The following SV2A variants were observed in gnomAD, a reference collection of about 807,000 sequenced individuals.
SV2A encodes the protein synaptic vesicle glycoprotein 2A, also known as solute carrier family 22 member B1.
SV2A carries 25 observed loss-of-function variants against 78.0 expected under a neutral mutation model. The ratio of observed to expected loss-of-function variants is 0.32; its 90% confidence interval spans 0.23 to 0.45. SV2A has a LOEUF of 0.45. Ranked by LOEUF, SV2A falls within the 20% of genes least tolerant of loss-of-function variation. SV2A has a pLI of 1.00. For missense variants in SV2A, 752 were observed against 971.5 expected (o/e 0.77, Z 3.00); for synonymous variants, 355 against 384.7 (o/e 0.92, Z 0.90).
chr1:149,910,697 C>T lies in SV2A; in HGVS notation c.962G>A (p.Ser321Asn), dbSNP rs1553763611. 6.2e-7 allele frequency: 1 copy of T among 1,613,926 alleles called. No individual in the cohort carries two copies. Among genetic ancestry groups the T allele is most frequent in the Admixed American group, 1.7e-5 (1 of 59,988 alleles). The stretch of plus-strand genomic sequence containing the variant: ...CTGGTAGGCAGAACCCATCTGAAAA[C>T]TCCACCCTGGTAGGGAGAAAGTGAC... Reference protein sequence around the residue: ...AWAIIPHYGWSFQMGSAYQFH... With the variant: ...AWAIIPHYGWNFQMGSAYQFH... The change falls in exon 5 of 13, where the codon AGT becomes AAT. Residue 321 changes from serine (S) to asparagine (N), a missense_variant. Physicochemically the swap from Ser to Asn is conservative, Grantham distance 46. This residue lies in a region of SV2A where 43 missense variants were observed against 70.8 expected (regional missense o/e 0.61). Coordinates refer to ENST00000369146, the MANE Select transcript of SV2A (RefSeq NM_014849.5). This position sits in a 1 kb window ranked among gnomAD's most constrained non-coding sequence, Gnocchi z 4.2.
In SV2A at chr1:149,904,123, G is replaced by A. The variant is rs1387059698; in HGVS notation, c.*891C>T. On this transcript the variant is annotated 3_prime_UTR_variant, in exon 13 of 13. Coordinates refer to ENST00000369146, the MANE Select transcript of SV2A (RefSeq NM_014849.5). ...TCCAGAGGAGGCCTCTGCTTCTTGA[G>A]GAGGGAAGGAGATGGGCCTTGTCGG... is the stretch of plus-strand genomic sequence containing the variant. The A allele has an allele frequency of 6.5e-5, 10 of 152,940 alleles. No individual in the cohort carries two copies. In the East Asian group the frequency reaches 1.5e-3, roughly 24 times the overall value. 9.5% of individuals were successfully genotyped at this position (152,940 alleles called of 1,614,324 possible).
At chr1:149,917,115 A>G (rs1420285124) in intron 1 of SV2A, among the ~76,000 whole-genome samples, 1 of 151,862 alleles carries the variant, frequency 6.6e-6, no homozygotes, top group Non-Finnish European at 1.5e-5. Context: ...TCCTGCTGCT[A>G]GACAAGTGTC....
chr1:149,907,741 A>C lies in SV2A; in HGVS notation c.1637T>G (p.Phe546Cys). 6.2e-7 allele frequency: 1 copy of C among 1,614,140 alleles called. No individual in the cohort carries two copies. The highest frequency in any genetic ancestry group is 1.1e-5 in the South Asian group (1 of 91,072). The change falls in exon 10 of 13, where the codon TTC becomes TGC. Residue 546 changes from phenylalanine (F) to cysteine (C), a missense_variant. Physicochemically the swap from Phe to Cys is radical, Grantham distance 205 (BLOSUM62 -2). Coordinates refer to ENST00000369146, the MANE Select transcript of SV2A (RefSeq NM_014849.5). ...FEDVTSSNTFFRNCTFINTVF... is the reference protein window; with the variant it reads ...FEDVTSSNTFCRNCTFINTVF... ...AGTGTTGATGAATGTGCAGTTGCGG[A>C]AAAACGTGTTGCTGGATGTGACATC...
At chr1:149,906,944 T>C in intron 10 of SV2A, 88 bp from the exon 11 acceptor site, 1 of 1,550,742 alleles carries the variant, frequency 6.4e-7, no homozygotes, top group East Asian at 2.4e-5. Context: ...TCTGCATGTA[T>C]GAAAGTTAGT....
At chr1:149,909,334 T>C in intron 7 of SV2A, 54 bp from the exon 8 acceptor site, 3 of 1,596,282 alleles carry the variant, frequency 1.9e-6, no homozygotes, top group East Asian at 2.2e-5. Flanking sequence ...CTAGCACCCA[T>C]AGATCCCCAC....
rs911421290 is a variant in SV2A at position 149,908,035 on chromosome 1, C to T, written c.1544+7G>A. ...GGAAGAAGTGAAGTTTAAAAGTCCC[C>T]ACATACTTGTCATTGAAGTACTGCC... On this transcript the variant is annotated splice_region_variant and intron_variant, in intron 9 of 12. Coordinates refer to ENST00000369146, the MANE Select transcript of SV2A (RefSeq NM_014849.5). 8 of 1,613,100 alleles carry T rather than the reference C, an allele frequency of 5.0e-6. No individual in the cohort carries two copies. The highest frequency in any genetic ancestry group is 2.2e-5 in the South Asian group (2 of 91,000).
Position 149,910,982 on chromosome 1 carries a change from A to C in SV2A, c.804-5T>G. The C allele has an allele frequency of 6.2e-7, 1 of 1,612,484 alleles. No individual in the cohort carries two copies. The highest frequency in any genetic ancestry group is 8.5e-7 in the Non-Finnish European group (1 of 1,179,300). On this transcript the variant is annotated splice_region_variant and splice_polypyrimidine_tract_variant and intron_variant, in intron 3 of 12. Coordinates refer to ENST00000369146, the MANE Select transcript of SV2A (RefSeq NM_014849.5). This position sits in a 1 kb window ranked among gnomAD's most constrained non-coding sequence, Gnocchi z 4.2. ...ATGGGGATGGACCCTCCAATCCTGA[A>C]GTGCATTTCAAGAATTCAGCATTAG...
At chr1:149,912,328 C>T (rs1013192093) in intron 2 of SV2A, among the ~76,000 whole-genome samples, 2 of 152,036 alleles carry the variant, frequency 1.3e-5, no homozygotes, top group Admixed American at 6.6e-5. Context: ...ACCCCAGGGT[C>T]CTCTCTATTC....
chr1:149,917,398 G>T (rs1235375979), intron 1 of SV2A, among the ~76,000 whole-genome samples: 1 of 152,266 alleles, frequency 6.6e-6, no homozygotes, highest in South Asian at 2.1e-4. Context: ...GTGAGGAGGG[G>T]ATAGGAGTTT....
chr1:149,906,572 C>A, intron 11 of SV2A, 78 bp downstream of exon 11: 1 of 1,482,286 alleles, frequency 6.7e-7, no homozygotes, highest in Non-Finnish European at 9.3e-7. Context: ...TTCCACAGCC[C>A]AAGGTGAGAA....
chr1:149,906,516 A>T, intron 11 of SV2A, 134 bp downstream of exon 11: 1 of 934,554 alleles, frequency 1.1e-6, no homozygotes, highest in East Asian at 2.6e-5. Context: ...ATCCTGCAGC[A>T]CCCCCTAAAC....
chr1:149,911,142 C>T (rs1365501698), intron 3 of SV2A, among the ~76,000 whole-genome samples, 165 bp from the exon 4 acceptor site: 3 of 152,178 alleles, frequency 2.0e-5, no homozygotes, highest in African/African-American at 7.2e-5. Flanking sequence ...ATCAAGCACC[C>T]ATCCTTGGGA....
chr1:149,905,028 G>GC lies in SV2A; in HGVS notation c.2214dup (p.Gln739AlafsTer33). On this transcript the variant is annotated frameshift_variant, in exon 13 of 13. Coordinates refer to ENST00000369146, the MANE Select transcript of SV2A (RefSeq NM_014849.5). LOFTEE classifies it high-confidence loss of function. The stretch of plus-strand genomic sequence containing the variant: ...TAGAGACCCCTTCACTGCAGCACCT[G>GC]CCCCCGGGTCTCAGGCAGCTTCAGG... 2 of 1,611,212 alleles carry GC rather than the reference G, an allele frequency of 1.2e-6. No homozygotes were observed. The highest frequency in any genetic ancestry group is 1.7e-6 in the Non-Finnish European group (2 of 1,178,866).
chr1:149,909,519 G>C lies in SV2A; in HGVS notation c.1232C>G (p.Ser411Trp), dbSNP rs372487028. ...GCGCTGGTACCAGGTCCCTGTGTCC[G>C]ACTGGATCTCAATCAATTCATCCTC... ...HQEDELIEIQ[S>W]DTGTWYQRWG... Residue 411 changes from serine (S) to tryptophan (W), a missense_variant, in exon 7 of 13, where the codon TCG (serine) becomes TGG (tryptophan). By Grantham distance (177) the Ser-to-Trp change is radical. Around this residue, in one of 7 missense-constraint regions of SV2A, gnomAD observed 136 missense variants for 132.3 expected, o/e 1.03. Transcript: ENST00000369146. 1.4e-5 allele frequency: 23 copies of C among 1,613,878 alleles called. No individual in the cohort carries two copies. The highest frequency in any genetic ancestry group is 1.4e-5 in the Non-Finnish European group (16 of 1,180,002).
At chr1:149,913,134 C>T in intron 2 of SV2A, 85 bp downstream of exon 2, 1 of 1,532,964 alleles carries the variant, frequency 6.5e-7, no homozygotes, top group Non-Finnish European at 8.8e-7. Flanking sequence ...CCTAGGGAAC[C>T]CAGTGGTAAG....
At chr1:149,906,918 G>A (rs2092442387) in intron 10 of SV2A, 62 bp from the exon 11 acceptor site, 9 of 1,595,716 alleles carry the variant, frequency 5.6e-6, no homozygotes, top group Non-Finnish European at 7.7e-6. Context: ...GGCTGTTACG[G>A]CTTATGGCTC....
At position 149,908,220 on chromosome 1, in the gene SV2A, G is replaced by A. The variant is rs782780904; in HGVS notation, c.1380-14C>T. The A allele has an allele frequency of 3.1e-6, 5 of 1,606,448 alleles. No homozygotes were observed. The highest frequency in any genetic ancestry group is 4.5e-5 in the East Asian group (2 of 44,688). On this transcript the variant is annotated splice_polypyrimidine_tract_variant and intron_variant, in intron 8 of 12. Coordinates refer to ENST00000369146, the MANE Select transcript of SV2A (RefSeq NM_014849.5). ...AGGCCATAGTAGCTGAAGAGTCAAGGACAATGGAAACAGACAACAGGGCTT... is the reference window on the plus strand; with the variant it reads ...AGGCCATAGTAGCTGAAGAGTCAAGAACAATGGAAACAGACAACAGGGCTT...
rs1553764073 is a variant in SV2A, at chr1:149,913,433, C to T, written c.408G>A (p.Arg136=). Residue 136 remains arginine (R), a synonymous_variant, in exon 2 of 13, where the codon CGG becomes CGA. Transcript: ENST00000369146. ...LSDGEGPPGG[R]GEAQRRKERE... ...GTTCTTTCCGTCGTTGTGCCTCCCC[C>T]CGGCCCCCAGGGGGACCCTCCCCAT... is the stretch of plus-strand genomic sequence containing the variant. The T allele has an allele frequency of 6.2e-7, 1 of 1,613,922 alleles. No homozygotes were observed. Among genetic ancestry groups the T allele is most frequent in the South Asian group, 1.1e-5 (1 of 91,072 alleles).
At chr1:149,915,637 C>T (rs1553764437) in intron 1 of SV2A, among the ~76,000 whole-genome samples, 1 of 152,118 alleles carries the variant, frequency 6.6e-6, no homozygotes, top group East Asian at 1.9e-4. Flanking sequence ...CTTCCTAATC[C>T]CCCTTAATCC....
Sources: gnomAD v4.1 joint callset for allele counts (sites outside exome capture counted in the v4.1 genomes callset) on GRCh38, gnomAD v4.1.1 for gene constraint, gnomAD v4.1.1 regional missense constraint, Gnocchi (gnomAD v3.1) non-coding constraint, MANE v1.5 for transcripts, NCBI Gene and HGNC (gene_info 2026-07-23, HGNC 2026-07-21) for gene names.